LRP2: variants seen among roughly 807,000 people sequenced by gnomAD.
LRP2 encodes low-density lipoprotein receptor-related protein 2.
Under a neutral mutation model 531.0 loss-of-function variants are expected in LRP2, and 172 were observed. The ratio of observed to expected loss-of-function variants is 0.32; its 90% CI spans 0.29 to 0.37. LRP2 has a LOEUF of 0.37. Among genes scored for constraint, LRP2 ranks in the 10% least tolerant of loss-of-function variants. LRP2 has a pLI of 1.00. For synonymous variants in LRP2, 1,992 were observed against 2,027.6 expected, an observed-to-expected ratio of 0.98 and a Z score of 0.47; for missense variants, 5,167 against 5,868.3, an observed-to-expected ratio of 0.88 and a Z score of 3.90.
At chr2:169,173,807 G>A (rs1247283945) in intron 56 of LRP2, 112 bp downstream of exon 56, 14 of 1,456,788 alleles carry the variant, frequency 9.6e-6, no homozygotes, top group African/African-American at 2.8e-5. Context: ...GTGCCAAGGG[G>A]GAGCATCCCA....
Position 169,213,643 on chromosome 2 carries a change from T to G in LRP2, c.6040+14A>C, listed in dbSNP as rs1169271790. ...TTATACACCCATGAATGTATTTCAG[T>G]GACAAATACTTACTGCGTCTGTGAT... On this transcript the variant is annotated intron_variant, in intron 36 of 78. Coordinates refer to ENST00000649046, the MANE Select transcript of LRP2 (RefSeq NM_004525.3). The G allele has an allele frequency of 1.3e-6, 2 of 1,595,806 alleles. No homozygotes were observed. Among genetic ancestry groups the G allele is most frequent in the South Asian group, 2.2e-5 (2 of 90,700 alleles).
At position 169,193,143 on chromosome 2, in the gene LRP2, A is replaced by G. The variant is rs75421287; in HGVS notation, c.8830+618T>C. On this transcript the variant is annotated intron_variant, in intron 47 of 78. Coordinates refer to ENST00000649046, the MANE Select transcript of LRP2 (RefSeq NM_004525.3). ...TGAAGGTTGCTATTAAGAGTGGCCA[A>G]CCACTGGGTGCAGTGGCTCATGCTT... 6.8e-3 allele frequency among the ~76,000 whole-genome samples: 1,028 copies of G among 152,248 alleles called. 12 individuals are homozygous for G. Among genetic ancestry groups the G allele is most frequent in the African/African-American group, 0.023 (974 of 41,546 alleles).
rs750077138 is a variant in LRP2, at chr2:169,216,335, G to A, written c.5744C>T (p.Thr1915Ile). ...ACACTCCAGGTGTTCGAGGTTCCCA[G>A]TAAAGAGAGTTTTCACAGATGTGCC... Reference protein sequence around the residue: ...MDGTSVKTLFTGNLEHLECVT... With the variant: ...MDGTSVKTLFIGNLEHLECVT... Residue 1915 changes from threonine to isoleucine, a missense_variant, in exon 35 of 79, where the codon ACT (threonine) becomes ATT (isoleucine). Around this residue, in one of 6 missense-constraint regions of LRP2, gnomAD observed 2,811 missense variants for 3,058.0 expected, o/e 0.92. Transcript: ENST00000649046. 1.9e-6 allele frequency: 3 copies of A among 1,613,674 alleles called. No individual in the cohort carries two copies. The highest frequency in any genetic ancestry group is 3.3e-5 in the Admixed American group (2 of 59,950).
chr2:169,283,168 A>T (rs1248366783), intron 9 of LRP2, among the ~76,000 whole-genome samples, 167 bp from the exon 10 acceptor site: 1 of 152,216 alleles, frequency 6.6e-6, no homozygotes, highest in Non-Finnish European at 1.5e-5. Context: ...AACCATCTTC[A>T]TGTAAGGAAA....
chr2:169,321,359 A>C (rs1010329950), intron 1 of LRP2, among the ~76,000 whole-genome samples: 1 of 152,106 alleles, frequency 6.6e-6, no homozygotes, highest in Admixed American at 6.5e-5. Flanking sequence ...TTAGTAACTT[A>C]AAAAATGGTT....
chr2:169,273,505 C>T (rs1253902965), intron 14 of LRP2, among the ~76,000 whole-genome samples: 2 of 152,232 alleles, frequency 1.3e-5, no homozygotes, highest in African/African-American at 4.8e-5. Flanking sequence ...ATTAGTCCTC[C>T]AATTTTACAG....
chr2:169,228,680 T>C (rs575408111), intron 31 of LRP2, among the ~76,000 whole-genome samples: 1 of 152,324 alleles, frequency 6.6e-6, no homozygotes, highest in South Asian at 2.1e-4. Flanking sequence ...AAGCCCTTTA[T>C]CTGATAACTG....
rs1455374410 is a variant in LRP2 at position 169,241,265 on chromosome 2, G to T, written c.3768C>A (p.Cys1256Ter). 6.2e-7 allele frequency: 1 copy of T among 1,614,198 alleles called. No individual in the cohort carries two copies. Among genetic ancestry groups the T allele is most frequent in the Admixed American group, 1.7e-5 (1 of 60,028 alleles). Residue 1256 changes from cysteine to a stop codon, truncating the protein, a stop_gained, in exon 25 of 79, where the codon TGC becomes TGA. Coordinates refer to ENST00000649046, the MANE Select transcript of LRP2 (RefSeq NM_004525.3). LOFTEE classifies it high-confidence loss of function. ...CATTGTGCTCATCAGATCCATAGAG[G>T]CAGTCTGGATGCCCATCACATTCCC... ...NFWECDGHPDCLYGSDEHNAC... is the reference protein window; with the variant it reads ...NFWECDGHPD
At position 169,259,237 on chromosome 2, in the gene LRP2, CAT is replaced by C. The variant is rs1478220632; in HGVS notation, c.2321-22_2321-21del. 6.4e-7 allele frequency: 1 copy of C among 1,561,466 alleles called. No homozygotes were observed. The highest frequency in any genetic ancestry group is 2.3e-5 in the East Asian group (1 of 42,680). On this transcript the variant is annotated intron_variant, in intron 16 of 78. Transcript: ENST00000649046. ...CTCTTCCTATAAGTTAAAATATGGA[CAT>C]ATTTTAAGCTAAGTATATTTTGTAA...
Position 169,150,849 on chromosome 2 carries a change from G to T in LRP2, c.12590+49C>A. ...TTATAAGAAACATGGAATTTGATGAGAATCCAGGGAGAAATATCTAGATGT... is the reference window on the plus strand; with the variant it reads ...TTATAAGAAACATGGAATTTGATGATAATCCAGGGAGAAATATCTAGATGT... On this transcript the variant is annotated intron_variant, in intron 68 of 78. Transcript: ENST00000649046. 3 of 1,610,324 alleles carry T rather than the reference G, an allele frequency of 1.9e-6. No individual in the cohort carries two copies. In the South Asian group the frequency reaches 3.3e-5, roughly 18 times the overall value.
At position 169,168,680 on chromosome 2, in the gene LRP2, C is replaced by T. The variant is rs1364536109; in HGVS notation, c.11498-4G>A. ...GCACCATCAGGAAAGCGTGTGGCTGCCATGGGGGAAAAAAACATATTCAAA... is the reference window on the plus strand; with the variant it reads ...GCACCATCAGGAAAGCGTGTGGCTGTCATGGGGGAAAAAAACATATTCAAA... On this transcript the variant is annotated splice_polypyrimidine_tract_variant and splice_region_variant and intron_variant, in intron 60 of 78. Coordinates refer to ENST00000649046, the MANE Select transcript of LRP2 (RefSeq NM_004525.3). 5 of 1,612,658 alleles carry T rather than the reference C, an allele frequency of 3.1e-6. No individual in the cohort carries two copies. In the African/African-American group the frequency reaches 4.0e-5, roughly 13 times the overall value.
In LRP2 at chr2:169,206,893, C is replaced by A. The variant is rs773816500; in HGVS notation, c.6827G>T (p.Arg2276Leu). The A allele has an allele frequency of 6.2e-6, 10 of 1,614,122 alleles. No homozygotes were observed. Among genetic ancestry groups the A allele is most frequent in the Non-Finnish European group, 7.6e-6 (9 of 1,180,034 alleles). Residue 2276 changes from arginine (R) to leucine (L), a missense_variant, in exon 39 of 79, where the codon CGT becomes CTT. By Grantham distance (102) the Arg-to-Leu change is moderately radical. Coordinates refer to ENST00000649046, the MANE Select transcript of LRP2 (RefSeq NM_004525.3). ...AGTGATGCCATAAGGAGTTGGGTAA[C>A]GACTGCCATAACGAATCACTTCAGA... ...ENSEVIRYGS[R>L]YPTPYGITVF...
In LRP2 at chr2:169,206,563, G is replaced by A; in HGVS notation, c.7157C>T (p.Thr2386Ile). The A allele has an allele frequency of 6.2e-7, 1 of 1,614,162 alleles. No homozygotes were observed. Among genetic ancestry groups the A allele is most frequent in the Non-Finnish European group, 8.5e-7 (1 of 1,180,022 alleles). ...CAAGGCAAAGATGAGGAAATTTTCT[G>A]TTGAAATGGCACAATTCTTGCCATC... is the stretch of plus-strand genomic sequence containing the variant. ...QSDGKNCAIS[T>I]ENFLIFALSN... is the part of the protein sequence containing the mutation. Residue 2386 changes from threonine (T) to isoleucine (I), a missense_variant, in exon 39 of 79, where the codon ACA becomes ATA. Coordinates refer to ENST00000649046, the MANE Select transcript of LRP2 (RefSeq NM_004525.3).
chr2:169,140,577 T>C, intron 71 of LRP2, 32 bp from the exon 72 acceptor site: 1 of 1,532,528 alleles, frequency 6.5e-7, no homozygotes, highest in Non-Finnish European at 9.0e-7. Flanking sequence ...CAGGTGTTAG[T>C]CAGCTGTACT....
intron 1 of LRP2, among the ~76,000 whole-genome samples, chr2:169,342,089 T>C (rs1052989026): frequency 2.6e-5 from 4 of 151,752 alleles, no homozygotes; most frequent in Non-Finnish European, 5.9e-5. Context: ...TTTCCAAAGG[T>C]TCCCTGAGGG....
intron 33 of LRP2, among the ~76,000 whole-genome samples, chr2:169,224,815 C>A (rs753387428): frequency 3.9e-5 from 6 of 152,142 alleles, no homozygotes; most frequent in Admixed American, 2.0e-4. Flanking sequence ...GCCAGCCAGG[C>A]GTGGTGGCTC....
chr2:169,160,239 C>T (rs1157781694), intron 63 of LRP2, among the ~76,000 whole-genome samples: 1 of 151,988 alleles, frequency 6.6e-6, no homozygotes, highest in Non-Finnish European at 1.5e-5. Flanking sequence ...TTTTCATTCC[C>T]AAAAATTTGC....
intron 1 of LRP2, among the ~76,000 whole-genome samples, chr2:169,332,639 T>A (rs959326839): frequency 6.6e-6 from 1 of 152,204 alleles, no homozygotes; most frequent in Non-Finnish European, 1.5e-5. Context: ...GGTTTATAAG[T>A]CACAAGTTAC....
chr2:169,325,486 T>C (rs1480607856), intron 1 of LRP2, among the ~76,000 whole-genome samples: 1 of 152,230 alleles, frequency 6.6e-6, no homozygotes. Flanking sequence ...CCTTCTGATA[T>C]TCATAAGTTG....
Sources: allele counts gnomAD v4.1 joint callset (sites outside exome capture counted in the v4.1 genomes callset), GRCh38; gene constraint gnomAD v4.1.1; regional missense constraint gnomAD v4.1.1; transcripts MANE v1.5; gene names NCBI Gene and HGNC (gene_info 2026-07-23, HGNC 2026-07-21).